DENND1C: variants seen among roughly 807,000 people sequenced by gnomAD.
DENND1C encodes the protein DENN domain-containing protein 1C.
DENND1C carries 64 observed loss-of-function variants against 87.9 expected under a neutral mutation model. The observed-to-expected ratio is 0.73, with a 90% CI of 0.60 to 0.90. The LOEUF (loss-of-function observed/expected upper bound fraction) is 0.90, where lower values mean the gene tolerates loss of function less well. DENND1C is among the 40% of genes least tolerant of loss of function. The pLI, the probability that DENND1C is intolerant of heterozygous loss-of-function variation, is 0.00. For missense variants in DENND1C, 980 were observed against 1,037.0 expected (o/e 0.95, Z 0.76); for synonymous variants, 384 against 424.4 (o/e 0.90, Z 1.17).
chr19:6,471,276 C>G lies in DENND1C; in HGVS notation c.1279G>C (p.Asp427His), dbSNP rs371502122. 1 of 1,592,370 alleles carries G rather than the reference C, an allele frequency of 6.3e-7. No individual in the cohort carries two copies. Among genetic ancestry groups the G allele is most frequent in the Admixed American group, 1.8e-5 (1 of 56,186 alleles). ...GALRSYQLWA[D>H]NLKKGGGALL... is the part of the protein sequence containing the mutation. ...TCTGGTGGTCTTACCTTTAGATTGTCGGCCCAGAGCTGATAGGATCGAAGG... is the reference window on the plus strand; with the variant it reads ...TCTGGTGGTCTTACCTTTAGATTGTGGGCCCAGAGCTGATAGGATCGAAGG... Residue 427 changes from aspartate to histidine, a missense_variant, in exon 17 of 23, where the codon GAC becomes CAC. Physicochemically the swap from Asp to His is moderately conservative, Grantham distance 81. Transcript: ENST00000381480.
chr19:6,470,610 G>GTTTTTTTTTTT (rs1555747420), intron 17 of DENND1C, among the ~76,000 whole-genome samples: 1 of 100,698 alleles, frequency 9.9e-6, no homozygotes, highest in Non-Finnish European at 2.3e-5. Flanking sequence ...TCAAAGAACA[G>GTTTTTTTTTTT]TTTTTTTTTG....
intron 1 of DENND1C, 146 bp from the exon 2 acceptor site, chr19:6,480,197 TG>T: frequency 6.8e-7 from 1 of 1,481,384 alleles, no homozygotes; most frequent in Non-Finnish European, 9.0e-7. Context: ...GCTGTGAGTG[TG>T]TGGTTGTGTG....
At position 6,476,571 on chromosome 19, in the gene DENND1C, T is replaced by A. The variant is rs140274282; in HGVS notation, c.678+286A>T. 792 of 371,890 alleles carry A rather than the reference T, an allele frequency of 2.1e-3. 3 individuals carry two copies. The highest frequency in any genetic ancestry group is 0.015 in the African/African-American group (728 of 47,716). 23.0% of individuals were successfully genotyped at this position (371,890 alleles called of 1,614,324 possible). A position where few individuals can be genotyped will look rare whatever the true frequency, so the allele number is the denominator to read the frequency against. ...GATTCCCACGTGTATAAGTCCCTAG[T>A]TCTCAGTGTCCCTGAGGGTCCGGAG... On this transcript the variant is annotated intron_variant, in intron 10 of 22. Coordinates refer to ENST00000381480, the MANE Select transcript of DENND1C (RefSeq NM_024898.4).
At chr19:6,478,306 C>T (rs1354288438) in intron 6 of DENND1C, among the ~76,000 whole-genome samples, 5 of 152,148 alleles carry the variant, frequency 3.3e-5, no homozygotes, top group Non-Finnish European at 5.9e-5. Context: ...TGCAATGGCG[C>T]GATCTCGGCT....
chr19:6,473,816 G>GGGGGGGGGGGGGGGGGAA (rs1231177042), intron 14 of DENND1C, among the ~76,000 whole-genome samples: 1 of 131,588 alleles, frequency 7.6e-6, no homozygotes, highest in African/African-American at 2.9e-5. Context: ...GGGGGGTGGG[G>GGGGGGGGGGGGGGGGGAA]GGAGGGAAAT....
intron 1 of DENND1C, 47 bp downstream of exon 1, chr19:6,481,632 G>A: frequency 6.2e-7 from 1 of 1,611,670 alleles, no homozygotes; most frequent in Non-Finnish European, 8.5e-7. Flanking sequence ...GCTCAGGCCT[G>A]GCCCGGGAAT....
At position 6,468,604 on chromosome 19, in the gene DENND1C, C is replaced by A; in HGVS notation, c.1557G>T (p.Glu519Asp). 1.3e-6 allele frequency: 2 copies of A among 1,514,316 alleles called. No homozygotes were observed. The highest frequency in any genetic ancestry group is 2.3e-5 in the Admixed American group (1 of 43,570). The allele number at this position is 1,514,316 out of a possible 1,614,324, so 93.8% of individuals were successfully genotyped here. A position where few individuals can be genotyped will look rare whatever the true frequency, so the allele number is the denominator to read the frequency against. The change falls in exon 21 of 23, where the codon GAG becomes GAT. Residue 519 changes from glutamate to aspartate, a missense_variant. By Grantham distance (45) the Glu-to-Asp change is conservative. Transcript: ENST00000381480. ...CCGCCCCTGGGGGCTCGGAAGTTCC[C>A]TCTTCCAGCTGGCGTCTCCTGCTGG... ...LRPSRRRQLE[E>D]GTSEPPGAGT...
At chr19:6,477,865 T>TCCAG (rs1196266006) in intron 6 of DENND1C, among the ~76,000 whole-genome samples, 1 of 148,268 alleles carries the variant, frequency 6.7e-6, no homozygotes, top group Non-Finnish European at 1.5e-5. Context: ...GGAGTCCGTG[T>TCCAG]CCAGCCTGGC....
chr19:6,476,961 G>C lies in DENND1C; in HGVS notation c.574C>G (p.Leu192Val), dbSNP rs2092864859. 6.2e-7 allele frequency: 1 copy of C among 1,613,704 alleles called. No individual in the cohort carries two copies. Among genetic ancestry groups the C allele is most frequent in the East Asian group, 2.2e-5 (1 of 44,862 alleles). Residue 192 changes from leucine (L) to valine (V), a missense_variant, in exon 10 of 23, where the codon CTA becomes GTA. Coordinates refer to ENST00000381480, the MANE Select transcript of DENND1C (RefSeq NM_024898.4). ...RLPSIPENRN[L>V]TELVVAVTDE... ...GTCACGGCCACCACCAGCTCCGTTA[G>C]GTTCCTCTGAGGATCAGAGAGTCGC... is the stretch of plus-strand genomic sequence containing the variant.
At position 6,472,879 on chromosome 19, in the gene DENND1C, T is replaced by C. The variant is rs1381766641; in HGVS notation, c.1158+10A>G. The stretch of plus-strand genomic sequence containing the variant: ...CCAGTCCCAGCTGGACCCTCAGGGC[T>C]CTGGCATACCTGTTTGAACAGCTGC... On this transcript the variant is annotated intron_variant, in intron 15 of 22. Coordinates refer to ENST00000381480, the MANE Select transcript of DENND1C (RefSeq NM_024898.4). 2.0e-6 allele frequency: 3 copies of C among 1,518,036 alleles called. No individual in the cohort carries two copies. Among genetic ancestry groups the C allele is most frequent in the Non-Finnish European group, 2.6e-6 (3 of 1,134,562 alleles). 94.0% of individuals were successfully genotyped at this position (1,518,036 alleles called of 1,614,324 possible).
In DENND1C at chr19:6,479,212, C is replaced by T. The variant is rs139391918; in HGVS notation, c.177-156G>A. On this transcript the variant is annotated intron_variant, in intron 4 of 22. Transcript: ENST00000381480. ...CCCTGGGTCTCAGAATCCCTGGGTC[C>T]CTGAATCTCTGGGTCCCTGGATCTC... The T allele has an allele frequency of 5.4e-6, 6 of 1,113,842 alleles. No homozygotes were observed. The African/African-American group carries it at 8.2e-5, about 15-fold the overall frequency. 69.0% of individuals were successfully genotyped at this position (1,113,842 alleles called of 1,614,324 possible).
chr19:6,472,018 C>A (rs754800065), intron 15 of DENND1C, among the ~76,000 whole-genome samples: 26 of 152,216 alleles, frequency 1.7e-4, no homozygotes, highest in Non-Finnish European at 3.7e-4. Context: ...AGGGACCAAG[C>A]CCTGCCCCTT....
At position 6,476,842 on chromosome 19, in the gene DENND1C, C is replaced by G. The variant is rs542361965; in HGVS notation, c.678+15G>C. The G allele has an allele frequency of 6.2e-7, 1 of 1,605,316 alleles. No individual in the cohort carries two copies. The highest frequency in any genetic ancestry group is 1.1e-5 in the South Asian group (1 of 90,418). ...AGGCCCTGCTCCCACCCCGGCCCGG[C>G]GGACCCCGCCTCACGGTGCTGAGTT... On this transcript the variant is annotated intron_variant, in intron 10 of 22. Coordinates refer to ENST00000381480, the MANE Select transcript of DENND1C (RefSeq NM_024898.4).
intron 6 of DENND1C, 115 bp downstream of exon 6, chr19:6,478,668 C>T: frequency 8.0e-7 from 1 of 1,246,336 alleles, no homozygotes; most frequent in Non-Finnish European, 1.1e-6. Flanking sequence ...GCAGGGACTA[C>T]AGGTGTGACA....
intron 15 of DENND1C, among the ~76,000 whole-genome samples, chr19:6,472,385 TTTTTG>T (rs1053231788): frequency 1.1e-4 from 17 of 151,856 alleles, no homozygotes; most frequent in African/African-American, 9.7e-5. Context: ...GGCTCCCATG[TTTTTG>T]TTTTGTTTTG....
In DENND1C at chr19:6,472,880, C is replaced by T. The variant is rs1432779073; in HGVS notation, c.1158+9G>A. 1.3e-6 allele frequency: 2 copies of T among 1,520,708 alleles called. No individual in the cohort carries two copies. Among genetic ancestry groups the T allele is most frequent in the African/African-American group, 1.4e-5 (1 of 71,752 alleles). 94.2% of individuals were successfully genotyped at this position (1,520,708 alleles called of 1,614,324 possible). A position where few individuals can be genotyped will look rare whatever the true frequency, so the allele number is the denominator to read the frequency against. On this transcript the variant is annotated intron_variant, in intron 15 of 22. Coordinates refer to ENST00000381480, the MANE Select transcript of DENND1C (RefSeq NM_024898.4). ...CAGTCCCAGCTGGACCCTCAGGGCT[C>T]TGGCATACCTGTTTGAACAGCTGCA...
chr19:6,480,796 G>A (rs1350533164), intron 1 of DENND1C, among the ~76,000 whole-genome samples: 1 of 151,770 alleles, frequency 6.6e-6, no homozygotes, highest in South Asian at 2.1e-4. Context: ...GTAGAGACAG[G>A]GTTTCACATA....
intron 1 of DENND1C, 83 bp from the exon 2 acceptor site, chr19:6,480,134 G>A: frequency 6.5e-7 from 1 of 1,540,944 alleles, no homozygotes; most frequent in South Asian, 1.2e-5. Context: ...GTGTGGTTGT[G>A]TGTGCATGTG....
chr19:6,480,966 A>G (rs1428938941), intron 1 of DENND1C, among the ~76,000 whole-genome samples: 1 of 151,642 alleles, frequency 6.6e-6, no homozygotes, highest in Non-Finnish European at 1.5e-5. Context: ...AATGACATCT[A>G]TATTTTCCTG....
Sources: gnomAD v4.1 joint callset for allele counts (sites outside exome capture counted in the v4.1 genomes callset) on GRCh38, gnomAD v4.1.1 for gene constraint, MANE v1.5 for transcripts, NCBI Gene and HGNC (gene_info 2026-07-23, HGNC 2026-07-21) for gene names.